Variants in RNF228 observed in about 807,000 individuals in gnomAD.
RNF228 encodes the protein ring finger protein 228.
chr2:222,317,846 G>C, the RNF228 span: 1 of 152,162 alleles, frequency 6.6e-6, no homozygotes, highest in Admixed American at 6.5e-5. Flanking sequence ...ATAATTAAAA[G>C]TCATTAGTTA....
the RNF228 span, chr2:222,318,744 C>A: frequency 1.3e-5 from 2 of 148,510 alleles, no homozygotes; most frequent in Non-Finnish European, 3.0e-5. Flanking sequence ...ACGCGGAGGT[C>A]AATTTTGCAC....
the RNF228 span, among the ~76,000 whole-genome samples, chr2:222,317,069 T>C: frequency 8.5e-5 from 13 of 152,144 alleles, no homozygotes; most frequent in Non-Finnish European, 1.5e-5. Flanking sequence ...CTAGAAATAA[T>C]CCCACTAAAT....
At chr2:222,315,879 G>C in the RNF228 span, among the ~76,000 whole-genome samples, 1 of 152,152 alleles carries the variant, frequency 6.6e-6, no homozygotes, top group Non-Finnish European at 1.5e-5. Flanking sequence ...AAAGCATGAT[G>C]ATGAGTCTAA....
the RNF228 span, among the ~76,000 whole-genome samples, chr2:222,319,547 C>A: frequency 1.4e-5 from 2 of 144,652 alleles, no homozygotes; most frequent in African/African-American, 2.5e-5. The surrounding 1 kb of genome is among the most constrained non-coding windows in gnomAD (Gnocchi z 7.6). Flanking sequence ...CAGCAGCGGG[C>A]GCGGGCAGGC....
chr2:222,314,825 C>G, the RNF228 span, among the ~76,000 whole-genome samples: 2 of 152,178 alleles, frequency 1.3e-5, no homozygotes, highest in African/African-American at 2.4e-5. Flanking sequence ...TTTAATAGAT[C>G]TTTTTCTCAT....
the RNF228 span, among the ~76,000 whole-genome samples, chr2:222,315,953 A>G: frequency 6.6e-6 from 1 of 152,182 alleles, no homozygotes; most frequent in African/African-American, 2.4e-5. Flanking sequence ...AAGCAGGTAC[A>G]GAGACCAGAC....
the RNF228 span, chr2:222,317,522 T>C: frequency 6.6e-6 from 1 of 152,138 alleles, no homozygotes. Flanking sequence ...TTTCAAAAGA[T>C]GGAATAAAGA....
chr2:222,317,124 C>A, the RNF228 span: 1 of 152,178 alleles, frequency 6.6e-6, no homozygotes, highest in African/African-American at 2.4e-5. Flanking sequence ...TTATTTCTCT[C>A]TCAGCCCCAT....
chr2:222,319,129 G>A, the RNF228 span: 1 of 243,490 alleles, frequency 4.1e-6, no homozygotes, highest in Non-Finnish European at 7.9e-6. The surrounding 1 kb of genome is among the most constrained non-coding windows in gnomAD (Gnocchi z 7.6). Flanking sequence ...CCCTCGGGCC[G>A]ATACTTGAGC....
the RNF228 span, among the ~76,000 whole-genome samples, chr2:222,315,469 G>T: frequency 1.3e-5 from 2 of 152,194 alleles, no homozygotes; most frequent in African/African-American, 4.8e-5. Context: ...GGCCAGGGCA[G>T]ACCTCTCTGG....
the RNF228 span, among the ~76,000 whole-genome samples, chr2:222,319,861 G>A: frequency 6.6e-6 from 1 of 151,736 alleles, no homozygotes; most frequent in Admixed American, 6.6e-5. The surrounding 1 kb of genome is among the most constrained non-coding windows in gnomAD (Gnocchi z 7.6). Flanking sequence ...GGCGCGCGCC[G>A]GTCCGCGTCG....
chr2:222,318,758 C>A, the RNF228 span: 1 of 146,630 alleles, frequency 6.8e-6, no homozygotes, highest in Non-Finnish European at 1.5e-5. Context: ...TTTGCACAGT[C>A]CAGGCAAAAG....
the RNF228 span, chr2:222,319,331 C>T: frequency 2.8e-6 from 1 of 356,880 alleles, no homozygotes; most frequent in Non-Finnish European, 5.0e-6. This position sits in a 1 kb window ranked among gnomAD's most constrained non-coding sequence, Gnocchi z 7.6. Flanking sequence ...GCAGCACCAC[C>T]ATGGAGAGGA....
At chr2:222,317,807 T>A in the RNF228 span, 1 of 152,252 alleles carries the variant, frequency 6.6e-6, no homozygotes. Context: ...GTTGATTTCA[T>A]GTTTGGGCAC....
chr2:222,315,692 G>C, the RNF228 span, among the ~76,000 whole-genome samples: 3 of 152,268 alleles, frequency 2.0e-5, no homozygotes, highest in Admixed American at 6.5e-5. Context: ...CGGTCTTTCC[G>C]ACTAAAGAGA....
At chr2:222,320,149 C>A in the RNF228 span, among the ~76,000 whole-genome samples, 1 of 152,030 alleles carries the variant, frequency 6.6e-6, no homozygotes, top group Non-Finnish European at 1.5e-5. Flanking sequence ...GGGGAGGAGG[C>A]GCTTCTGCCT....
the RNF228 span, among the ~76,000 whole-genome samples, chr2:222,319,760 C>CGCGGCGGCA: frequency 5.7e-5 from 8 of 141,542 alleles, no homozygotes; most frequent in South Asian, 1.3e-3. The surrounding 1 kb of genome is among the most constrained non-coding windows in gnomAD (Gnocchi z 7.6). Flanking sequence ...GGCGCTCAGG[C>CGCGGCGGCA]GCGGCGGCAG....
At chr2:222,319,601 C>A in the RNF228 span, among the ~76,000 whole-genome samples, 2 of 141,936 alleles carry the variant, frequency 1.4e-5, no homozygotes, top group Admixed American at 7.0e-5. The surrounding 1 kb of genome is among the most constrained non-coding windows in gnomAD (Gnocchi z 7.6). Context: ...GCGGGTCGTG[C>A]GCTGCGCGCA....
At chr2:222,320,064 A>G in the RNF228 span, among the ~76,000 whole-genome samples, 2 of 152,000 alleles carry the variant, frequency 1.3e-5, no homozygotes, top group African/African-American at 4.8e-5. Context: ...CGGCGCTGCC[A>G]TGGCATGATC....
Sources: gnomAD v4.1 joint callset for allele counts (sites outside exome capture counted in the v4.1 genomes callset) on GRCh38, gnomAD v4.1.1 for gene constraint, Gnocchi (gnomAD v3.1) non-coding constraint, MANE v1.5 for transcripts, NCBI Gene and HGNC (gene_info 2026-07-23, HGNC 2026-07-21) for gene names.